ARHGAP15: variants seen among roughly 807,000 people sequenced by gnomAD.
ARHGAP15 encodes the protein Rho GTPase activating protein 15.
A neutral mutation model predicts 63.7 loss-of-function variants in ARHGAP15; 51 were observed. That is an observed-to-expected ratio of 0.80 (90% CI 0.64 to 1.01). ARHGAP15 has a LOEUF of 1.01. ARHGAP15 is among the 50% of genes least tolerant of loss of function. ARHGAP15 has a pLI of 0.00. For synonymous variants in ARHGAP15, 191 were observed against 193.8 expected, an observed-to-expected ratio of 0.99 and a Z score of 0.12; for missense variants, 560 against 564.6, an observed-to-expected ratio of 0.99 and a Z score of 0.08.
At chr2:143,483,671 C>T (rs539816756) in intron 8 of ARHGAP15, among the ~76,000 whole-genome samples, 2 of 152,320 alleles carry the variant, frequency 1.3e-5, no homozygotes, top group African/African-American at 4.8e-5. Context: ...CTGGTGGTCA[C>T]TGCGATGACT....
chr2:143,166,040 A>AT (rs879493873), intron 2 of ARHGAP15, among the ~76,000 whole-genome samples: 2,053 of 97,852 alleles, frequency 0.021, 42 homozygotes, highest in African/African-American at 0.059. Context: ...ACAAAGGAAG[A>AT]AAAAGAAAGA....
At chr2:143,630,141 G>C (rs191045453) in intron 12 of ARHGAP15, among the ~76,000 whole-genome samples, 1,938 of 152,056 alleles carry the variant, frequency 0.013, 18 homozygotes, top group Non-Finnish European at 0.021. Flanking sequence ...TTCAGTATTG[G>C]AGTTTTAGGT....
intron 6 of ARHGAP15, among the ~76,000 whole-genome samples, chr2:143,304,501 G>A (rs1460642976): frequency 2.0e-5 from 3 of 152,056 alleles, no homozygotes; most frequent in African/African-American, 4.8e-5. Flanking sequence ...TATACCTAAT[G>A]TAAATGATGA....
chr2:143,358,948 A>T (rs1685923941), intron 6 of ARHGAP15, among the ~76,000 whole-genome samples: 1 of 152,130 alleles, frequency 6.6e-6, no homozygotes, highest in South Asian at 2.1e-4. Flanking sequence ...AACTGATAAA[A>T]TGCATACATA....
In ARHGAP15 at chr2:143,604,343, G is replaced by A. The variant is rs145843171; in HGVS notation, c.1004-19790G>A. ...GGGATCGAATCACATGAACCAGCCT[G>A]ACTGTGTTTGTGTGTGTGCACTGTT... is the stretch of plus-strand genomic sequence containing the variant. On this transcript the variant is annotated intron_variant, in intron 11 of 13. Transcript: ENST00000295095. Among the ~76,000 whole-genome samples the A allele has an allele frequency of 2.3e-3, 349 of 152,312 alleles. 3 individuals are homozygous for A. The highest frequency in any genetic ancestry group is 7.8e-3 in the African/African-American group (326 of 41,586).
intron 11 of ARHGAP15, among the ~76,000 whole-genome samples, chr2:143,598,475 A>G (rs2105185963): frequency 6.6e-6 from 1 of 152,296 alleles, no homozygotes; most frequent in South Asian, 2.1e-4. Flanking sequence ...ATCCGCTGTA[A>G]GGTGGCTAAA....
chr2:143,652,975 C>T (rs1292935565), intron 12 of ARHGAP15, among the ~76,000 whole-genome samples: 1 of 151,964 alleles, frequency 6.6e-6, no homozygotes, highest in African/African-American at 2.4e-5. Flanking sequence ...CATTTCTGTC[C>T]TGTTCTCTTC....
chr2:143,248,943 C>T (rs2104971707), intron 5 of ARHGAP15, among the ~76,000 whole-genome samples: 1 of 152,290 alleles, frequency 6.6e-6, no homozygotes, highest in Non-Finnish European at 1.5e-5. Flanking sequence ...TTGTTACGTA[C>T]TCTTAATGAT....
At chr2:143,683,811 T>C (rs1231059980) in intron 12 of ARHGAP15, among the ~76,000 whole-genome samples, 1 of 152,188 alleles carries the variant, frequency 6.6e-6, no homozygotes, top group East Asian at 1.9e-4. Flanking sequence ...ACTTAGATCC[T>C]CCAAGACTTT....
intron 13 of ARHGAP15, among the ~76,000 whole-genome samples, chr2:143,714,625 AG>A (rs1684728277): frequency 6.6e-6 from 1 of 152,226 alleles, no homozygotes; most frequent in Non-Finnish European, 1.5e-5. Flanking sequence ...ATGCTTTTAC[AG>A]CACCTAAGTC....
intron 9 of ARHGAP15, among the ~76,000 whole-genome samples, chr2:143,504,950 TC>T (rs1693238330): frequency 1.3e-5 from 2 of 152,140 alleles, no homozygotes; most frequent in South Asian, 4.1e-4. Context: ...GCTGTTCTCC[TC>T]CCCACCCTGC....
intron 6 of ARHGAP15, among the ~76,000 whole-genome samples, chr2:143,303,937 T>C (rs1311569542): frequency 6.6e-6 from 1 of 152,090 alleles, no homozygotes; most frequent in Non-Finnish European, 1.5e-5. Flanking sequence ...TGGTGATCAT[T>C]AAAAAGTCAG....
At chr2:143,353,186 G>GGAGGCT (rs1304221147) in intron 6 of ARHGAP15, among the ~76,000 whole-genome samples, 1 of 152,092 alleles carries the variant, frequency 6.6e-6, no homozygotes, top group Non-Finnish European at 1.5e-5. Flanking sequence ...CAGCTACACC[G>GGAGGCT]GAGGCTGAGT....
At chr2:143,660,625 C>T (rs1361235671) in intron 12 of ARHGAP15, among the ~76,000 whole-genome samples, 1 of 152,152 alleles carries the variant, frequency 6.6e-6, no homozygotes. Context: ...ATGAACTGTA[C>T]ATGTGATGGA....
In ARHGAP15 at chr2:143,743,119, C is replaced by T. The variant is rs145405637; in HGVS notation, c.1245-24870C>T. 7.4e-4 allele frequency among the ~76,000 whole-genome samples: 113 copies of T among 152,278 alleles called. 1 individual carries two copies. Among genetic ancestry groups the T allele is most frequent in the African/African-American group, 2.6e-3 (110 of 41,558 alleles). ...GAGAAACCAAACAAACTGAAGAGGACAGATAGGCAGCGGGATAAGAAGCGT... is the reference window on the plus strand; with the variant it reads ...GAGAAACCAAACAAACTGAAGAGGATAGATAGGCAGCGGGATAAGAAGCGT... On this transcript the variant is annotated intron_variant, in intron 13 of 13. Coordinates refer to ENST00000295095, the MANE Select transcript of ARHGAP15 (RefSeq NM_018460.4).
chr2:143,708,926 A>C (rs966740853), intron 13 of ARHGAP15, among the ~76,000 whole-genome samples: 2 of 152,144 alleles, frequency 1.3e-5, no homozygotes, highest in African/African-American at 2.4e-5. Flanking sequence ...CCCAGTCACC[A>C]ATATAAACAC....
At chr2:143,541,725 C>T (rs544165180) in intron 10 of ARHGAP15, among the ~76,000 whole-genome samples, 96 of 152,274 alleles carry the variant, frequency 6.3e-4, no homozygotes, top group Non-Finnish European at 1.1e-3. Context: ...GCTGCCTGAT[C>T]GTTCCTCTGG....
At chr2:143,297,065 A>G (rs1229900412) in intron 6 of ARHGAP15, among the ~76,000 whole-genome samples, 2 of 152,024 alleles carry the variant, frequency 1.3e-5, no homozygotes, top group Admixed American at 1.3e-4. Flanking sequence ...GAAAGAAAAA[A>G]GGTACCCCAG....
intron 6 of ARHGAP15, among the ~76,000 whole-genome samples, chr2:143,287,701 G>A (rs978656101): frequency 3.3e-5 from 5 of 152,008 alleles, no homozygotes; most frequent in African/African-American, 1.2e-4. Flanking sequence ...TACTCGGGAG[G>A]GTGAGGCAGG....
Sources: gnomAD v4.1 joint callset for allele counts (sites outside exome capture counted in the v4.1 genomes callset) on GRCh38, gnomAD v4.1.1 for gene constraint, MANE v1.5 for transcripts, NCBI Gene and HGNC (gene_info 2026-07-23, HGNC 2026-07-21) for gene names.